PKP4: variants seen among roughly 807,000 people sequenced by gnomAD.
PKP4 encodes the protein plakophilin 4.
A neutral mutation model predicts 145.1 loss-of-function variants in PKP4; 90 were observed. That is an observed-to-expected ratio of 0.62 (90% CI 0.52 to 0.74). The LOEUF (loss-of-function observed/expected upper bound fraction) is 0.74, where lower values mean the gene tolerates loss of function less well. Among genes scored for constraint, PKP4 ranks in the 30% least tolerant of loss-of-function variants. The pLI is 0.00. For missense variants in PKP4, 1,340 were observed against 1,482.7 expected, an observed-to-expected ratio of 0.90 and a Z score of 1.58; for synonymous variants, 563 against 577.2, an observed-to-expected ratio of 0.98 and a Z score of 0.35.
intron 2 of PKP4, among the ~76,000 whole-genome samples, chr2:158,570,327 GA>G (rs888989989): frequency 4.1e-4 from 63 of 152,300 alleles, no homozygotes; most frequent in African/African-American, 1.3e-3. Flanking sequence ...TTGGCCCAAA[GA>G]TATGATCATG....
chr2:158,673,945 A>G lies in PKP4; in HGVS notation c.3072A>G (p.Lys1024=). ...CGACATTGGAGCGAGACCGATTCAA[A>G]TCACATCCTTCCTTGTCTACCACCA... ...PVSTLERDRF[K]SHPSLSTTNQ... The change falls in exon 19 of 22, where the codon AAA becomes AAG. Residue 1024 remains lysine, a synonymous_variant. Transcript: ENST00000389759. 6.2e-7 allele frequency: 1 copy of G among 1,613,562 alleles called. No homozygotes were observed. The highest frequency in any genetic ancestry group is 8.5e-7 in the Non-Finnish European group (1 of 1,179,434).
intron 1 of PKP4, among the ~76,000 whole-genome samples, chr2:158,485,172 A>G (rs888490057): frequency 6.6e-6 from 1 of 152,248 alleles, no homozygotes; most frequent in African/African-American, 2.4e-5. Flanking sequence ...TGGCCTGTAT[A>G]CAAGGCCAGA....
intron 4 of PKP4, among the ~76,000 whole-genome samples, chr2:158,606,086 T>C (rs879805879): frequency 2.0e-5 from 3 of 152,228 alleles, no homozygotes; most frequent in Non-Finnish European, 4.4e-5. Flanking sequence ...GTATAAAAGT[T>C]TTGAATATAT....
chr2:158,486,469 A>G (rs1172916535), intron 1 of PKP4, among the ~76,000 whole-genome samples: 2 of 152,218 alleles, frequency 1.3e-5, no homozygotes, highest in Non-Finnish European at 2.9e-5. Flanking sequence ...TTAAAGGACG[A>G]AACTTTGAAG....
intron 1 of PKP4, among the ~76,000 whole-genome samples, chr2:158,498,394 T>C (rs1319979948): frequency 2.0e-5 from 3 of 152,266 alleles, no homozygotes; most frequent in Non-Finnish European, 4.4e-5. Context: ...TATAGTCCAC[T>C]ACATTCTCAT....
chr2:158,530,389 A>G (rs894502829), intron 1 of PKP4, among the ~76,000 whole-genome samples: 8 of 152,180 alleles, frequency 5.3e-5, no homozygotes, highest in African/African-American at 1.9e-4. Context: ...ACCTATCTGT[A>G]AGCTTTCCCA....
chr2:158,526,077 C>A (rs1027474354), intron 1 of PKP4, among the ~76,000 whole-genome samples: 5 of 151,618 alleles, frequency 3.3e-5, no homozygotes, highest in African/African-American at 1.2e-4. Context: ...TGGTACCATT[C>A]CTTCTGAAAC....
At chr2:158,557,230 C>A (rs1269525730) in intron 2 of PKP4, among the ~76,000 whole-genome samples, 3 of 152,096 alleles carry the variant, frequency 2.0e-5, no homozygotes, top group Non-Finnish European at 4.4e-5. Context: ...TACTATGTGG[C>A]TCATTGTATG....
chr2:158,508,366 C>CAAAAA (rs747754927), intron 1 of PKP4, among the ~76,000 whole-genome samples: 12 of 115,884 alleles, frequency 1.0e-4, no homozygotes, highest in African/African-American at 1.8e-4. Context: ...AACTCCGTCT[C>CAAAAA]AAAAAAAAAA....
rs114857785 is a variant in PKP4 at position 158,467,365 on chromosome 2, C to T, written c.-6+10147C>T. 3.3e-3 allele frequency among the ~76,000 whole-genome samples: 500 copies of T among 152,224 alleles called. 4 individuals carry two copies. The highest frequency in any genetic ancestry group is 0.012 in the African/African-American group (486 of 41,522). ...CTCTCATCGCCTCCTAAATCTCTGG[C>T]AACCATTCATTTTTCATTACAACTA... On this transcript the variant is annotated intron_variant, in intron 1 of 21. Coordinates refer to ENST00000389759, the MANE Select transcript of PKP4 (RefSeq NM_003628.6).
chr2:158,661,243 G>T (rs2056549683), intron 12 of PKP4, 90 bp from the exon 13 acceptor site: 4 of 926,796 alleles, frequency 4.3e-6, no homozygotes, highest in Non-Finnish European at 6.9e-6. Flanking sequence ...GCCACCTGTT[G>T]TTCGCTCTCT....
At chr2:158,613,125 G>A (rs532241074) in intron 4 of PKP4, among the ~76,000 whole-genome samples, 7 of 152,220 alleles carry the variant, frequency 4.6e-5, no homozygotes, top group African/African-American at 1.7e-4. Flanking sequence ...TTGACGCCCA[G>A]GCATCACCCC....
chr2:158,617,421 G>C (rs1246935325), intron 4 of PKP4, among the ~76,000 whole-genome samples: 1 of 151,870 alleles, frequency 6.6e-6, no homozygotes, highest in Non-Finnish European at 1.5e-5. Flanking sequence ...AATGTCTCTT[G>C]ATTTCTTATG....
intron 3 of PKP4, among the ~76,000 whole-genome samples, chr2:158,580,075 C>A (rs886999193): frequency 6.6e-6 from 1 of 152,052 alleles, no homozygotes; most frequent in African/African-American, 2.4e-5. Context: ...CCATCTGGAG[C>A]AAATATAACA....
intron 2 of PKP4, among the ~76,000 whole-genome samples, chr2:158,565,537 T>A (rs1378400426): frequency 3.3e-5 from 5 of 151,360 alleles, no homozygotes; most frequent in Non-Finnish European, 5.9e-5. Context: ...TATGCAGATA[T>A]TCAATAAGGG....
chr2:158,626,722 G>A (rs2052828721), intron 7 of PKP4, among the ~76,000 whole-genome samples: 1 of 152,136 alleles, frequency 6.6e-6, no homozygotes, highest in Non-Finnish European at 1.5e-5. Context: ...GTAAAAAGCT[G>A]TACCTCATTG....
intron 1 of PKP4, among the ~76,000 whole-genome samples, chr2:158,528,765 A>G (rs915515649): frequency 4.6e-5 from 7 of 151,780 alleles, no homozygotes; most frequent in African/African-American, 1.5e-4. Flanking sequence ...CCACACATGT[A>G]AGAGTTGGTC....
intron 6 of PKP4, 119 bp downstream of exon 6, chr2:158,621,540 GT>G: frequency 1.4e-6 from 1 of 728,520 alleles, no homozygotes; most frequent in Non-Finnish European, 2.3e-6. Context: ...GAGGTCAGGA[GT>G]TCAAGACCAG....
intron 1 of PKP4, among the ~76,000 whole-genome samples, chr2:158,491,856 A>G (rs1176233701): frequency 6.6e-6 from 1 of 151,884 alleles, no homozygotes; most frequent in Non-Finnish European, 1.5e-5. Flanking sequence ...AGTACAGTGA[A>G]GCAAGTATGG....
Sources: allele counts gnomAD v4.1 joint callset (sites outside exome capture counted in the v4.1 genomes callset), GRCh38; gene constraint gnomAD v4.1.1; transcripts MANE v1.5; gene names NCBI Gene and HGNC (gene_info 2026-07-23, HGNC 2026-07-21).